Variants in CAMTA1 observed in about 807,000 individuals in gnomAD.
CAMTA1 encodes the protein calmodulin binding transcription activator 1.
Under a neutral mutation model 170.9 loss-of-function variants are expected in CAMTA1, and 27 were observed. The observed-to-expected ratio is 0.16, with a 90% CI of 0.12 to 0.22. The LOEUF is 0.22. CAMTA1 is among the 10% of genes least tolerant of loss of function. CAMTA1 has a pLI of 1.00. For missense variants in CAMTA1, 1,619 were observed against 2,217.2 expected (o/e 0.73, Z 5.42); for synonymous variants, 833 against 891.5 (o/e 0.93, Z 1.17).
intron 7 of CAMTA1, among the ~76,000 whole-genome samples, chr1:7,650,660 G>A (rs548523005): frequency 4.6e-5 from 7 of 152,176 alleles, no homozygotes; most frequent in African/African-American, 7.2e-5. Context: ...ATAGGTCCCC[G>A]CATGTGCACA....
intron 6 of CAMTA1, among the ~76,000 whole-genome samples, chr1:7,542,868 TG>T (rs1557887288): frequency 1.3e-4 from 19 of 151,232 alleles, no homozygotes; most frequent in African/African-American, 4.1e-4. Context: ...TGTGTGTGTG[TG>T]TGTGTGTGTG....
At chr1:7,015,745 C>T (rs1700438919) in intron 3 of CAMTA1, among the ~76,000 whole-genome samples, 1 of 152,112 alleles carries the variant, frequency 6.6e-6, no homozygotes, top group Non-Finnish European at 1.5e-5. Context: ...GCAGGCTGTA[C>T]AGGAAGCGTG....
chr1:7,553,796 G>A (rs533697097), intron 6 of CAMTA1, among the ~76,000 whole-genome samples: 3 of 90,552 alleles, frequency 3.3e-5, no homozygotes, highest in Admixed American at 2.1e-4. Context: ...AAGGGAGGTC[G>A]TGCTCTGCAG....
intron 3 of CAMTA1, among the ~76,000 whole-genome samples, chr1:6,911,785 C>T (rs1032765828): frequency 3.3e-5 from 5 of 152,328 alleles, no homozygotes; most frequent in South Asian, 4.1e-4. Flanking sequence ...TTAACAACTT[C>T]GAGTGATTCC....
At chr1:7,006,474 C>T (rs1204202919) in intron 3 of CAMTA1, among the ~76,000 whole-genome samples, 2 of 152,034 alleles carry the variant, frequency 1.3e-5, no homozygotes, top group Non-Finnish European at 2.9e-5. Context: ...CCCAAGCAGC[C>T]CAACCCTGTA....
In CAMTA1 at chr1:7,724,121, A is replaced by C. The variant is rs546152410; in HGVS notation, c.2915-8327A>C. Among the ~76,000 whole-genome samples the C allele has an allele frequency of 2.0e-5, 3 of 152,296 alleles. No homozygotes were observed. The South Asian group carries it at 6.2e-4, about 32-fold the overall frequency. On this transcript the variant is annotated intron_variant, in intron 11 of 22. Coordinates refer to ENST00000303635, the MANE Select transcript of CAMTA1 (RefSeq NM_015215.4). ...GGCGCGAGCCACTGCGCCCGGCCTA[A>C]AACTGTTAAAATCTTGAAAAGTAAA...
At chr1:7,327,888 A>G (rs148623041) in intron 5 of CAMTA1, among the ~76,000 whole-genome samples, 1 of 152,174 alleles carries the variant, frequency 6.6e-6, no homozygotes, top group African/African-American at 2.4e-5. Flanking sequence ...TCTTCATTTT[A>G]TTCTCATTAT....
intron 6 of CAMTA1, among the ~76,000 whole-genome samples, chr1:7,521,460 T>TTG (rs577852016): frequency 0.025 from 3,754 of 149,782 alleles, 115 homozygotes; most frequent in African/African-American, 0.062. Context: ...TTACTTGCAT[T>TTG]TGTGTGTGTG....
chr1:7,559,085 C>G (rs1002838719), intron 6 of CAMTA1, among the ~76,000 whole-genome samples: 12 of 152,182 alleles, frequency 7.9e-5, no homozygotes, highest in African/African-American at 2.9e-4. Flanking sequence ...GCCAAGGCTC[C>G]CCCACATGGC....
chr1:7,555,017 TG>T (rs1484734706), intron 6 of CAMTA1, among the ~76,000 whole-genome samples: 1 of 152,102 alleles, frequency 6.6e-6, no homozygotes, highest in African/African-American at 2.4e-5. Context: ...GATGTGTGAA[TG>T]CTGGCACCTC....
chr1:7,446,138 G>T (rs1179648126), intron 5 of CAMTA1, among the ~76,000 whole-genome samples: 1 of 144,948 alleles, frequency 6.9e-6, no homozygotes, highest in Non-Finnish European at 1.5e-5. Flanking sequence ...ACTGAGAAAA[G>T]AATTTCTCTC....
intron 6 of CAMTA1, among the ~76,000 whole-genome samples, chr1:7,480,105 G>C (rs2093490568): frequency 1.0e-5 from 1 of 100,226 alleles, no homozygotes; most frequent in African/African-American, 5.3e-5. Context: ...CTGTGTGTGA[G>C]AGCGTGTGTG....
intron 3 of CAMTA1, among the ~76,000 whole-genome samples, chr1:6,950,004 C>T (rs774916738): frequency 2.0e-5 from 3 of 152,246 alleles, no homozygotes; most frequent in Non-Finnish European, 2.9e-5. Flanking sequence ...ATGGGCTCTA[C>T]GTGTGCCTGA....
chr1:6,902,052 C>T (rs940501564), intron 3 of CAMTA1, among the ~76,000 whole-genome samples: 6 of 100,920 alleles, frequency 5.9e-5, no homozygotes, highest in Non-Finnish European at 1.3e-4. Flanking sequence ...CACACACACA[C>T]ACACACACAC....
chr1:7,140,297 C>T (rs1645816001), intron 4 of CAMTA1, among the ~76,000 whole-genome samples: 1 of 152,148 alleles, frequency 6.6e-6, no homozygotes, highest in African/African-American at 2.4e-5. Context: ...AACATGCAAC[C>T]TGTGATGAAT....
intron 3 of CAMTA1, among the ~76,000 whole-genome samples, chr1:6,944,035 C>T (rs11120792): frequency 0.55 from 82,597 of 151,472 alleles, 22,926 homozygotes; most frequent in Non-Finnish European, 0.61. Flanking sequence ...ATCTCCCTAT[C>T]CCCCCAGCCG....
chr1:6,813,495 T>A (rs79328007), intron 1 of CAMTA1, among the ~76,000 whole-genome samples: 4 of 151,902 alleles, frequency 2.6e-5, no homozygotes, highest in Admixed American at 1.3e-4. Context: ...TTTTTTTTTT[T>A]AAGCAGGTTT....
At chr1:6,919,679 A>C (rs1202151530) in intron 3 of CAMTA1, among the ~76,000 whole-genome samples, 1 of 152,170 alleles carries the variant, frequency 6.6e-6, no homozygotes, top group African/African-American at 2.4e-5. Flanking sequence ...TGAAAGAAAG[A>C]GGTTTAATTG....
intron 3 of CAMTA1, among the ~76,000 whole-genome samples, chr1:7,058,896 C>CTG (rs36101661): frequency 5.4e-5 from 1 of 18,438 alleles, no homozygotes; most frequent in East Asian, 1.7e-3. Context: ...CACACACACA[C>CTG]TCTCTCTCTC....
Sources: gnomAD v4.1 joint callset for allele counts (sites outside exome capture counted in the v4.1 genomes callset) on GRCh38, gnomAD v4.1.1 for gene constraint, MANE v1.5 for transcripts, NCBI Gene and HGNC (gene_info 2026-07-23, HGNC 2026-07-21) for gene names.